NBEA: variants seen among roughly 807,000 people sequenced by gnomAD.
NBEA encodes neurobeachin, also known as lysosomal-trafficking regulator 2.
NBEA carries 44 observed loss-of-function variants against 343.4 expected under a neutral mutation model. The ratio of observed to expected loss-of-function variants is 0.13; its 90% CI spans 0.10 to 0.16. The LOEUF (loss-of-function observed/expected upper bound fraction) is 0.16, where lower values mean the gene tolerates loss of function less well. Among genes scored for constraint, NBEA ranks in the 10% least tolerant of loss-of-function variants. The pLI, the probability that NBEA is intolerant of heterozygous loss-of-function variation, is 1.00. For synonymous variants in NBEA, 1,175 were observed against 1,238.7 expected (o/e 0.95, Z 1.08); for missense variants, 2,555 against 3,631.3 (o/e 0.70, Z 7.62).
chr13:35,524,102 A>G (rs1368416404), intron 41 of NBEA, among the ~76,000 whole-genome samples: 1 of 152,184 alleles, frequency 6.6e-6, no homozygotes, highest in African/African-American at 2.4e-5. Flanking sequence ...TTGGTAGGAT[A>G]TCTTTGGTAA....
At chr13:34,971,702 C>A (rs2060000889) in intron 1 of NBEA, among the ~76,000 whole-genome samples, 1 of 152,026 alleles carries the variant, frequency 6.6e-6, no homozygotes, top group Non-Finnish European at 1.5e-5. Flanking sequence ...GGGGATGAAG[C>A]CTACTTGATT....
chr13:35,349,634 T>G (rs2152863438), intron 37 of NBEA, among the ~76,000 whole-genome samples: 1 of 152,266 alleles, frequency 6.6e-6, no homozygotes, highest in Middle Eastern at 3.4e-3. Context: ...ACATAACAGT[T>G]ATTTATTATT....
intron 48 of NBEA, among the ~76,000 whole-genome samples, chr13:35,627,078 A>G (rs1276235373): frequency 2.0e-5 from 3 of 152,240 alleles, no homozygotes; most frequent in Non-Finnish European, 4.4e-5. Flanking sequence ...AGTTTTTGGC[A>G]ATCTTAATTC....
intron 10 of NBEA, among the ~76,000 whole-genome samples, chr13:35,072,843 G>T (rs2063934411): frequency 1.3e-5 from 2 of 152,124 alleles, no homozygotes. Flanking sequence ...GATTACAGGC[G>T]AGAGCCACTA....
intron 1 of NBEA, among the ~76,000 whole-genome samples, chr13:35,029,246 C>T (rs1277464986): frequency 6.9e-6 from 1 of 145,952 alleles, no homozygotes; most frequent in East Asian, 2.0e-4. Flanking sequence ...TCTATAACAC[C>T]ATAGTCTATA....
chr13:35,546,819 C>T (rs2079084103), intron 41 of NBEA, among the ~76,000 whole-genome samples: 2 of 152,048 alleles, frequency 1.3e-5, no homozygotes, highest in African/African-American at 2.4e-5. Context: ...TCCCAAAGTG[C>T]TGGGATTACA....
intron 38 of NBEA, among the ~76,000 whole-genome samples, chr13:35,388,654 T>C (rs947809505): frequency 1.3e-5 from 2 of 152,160 alleles, no homozygotes; most frequent in Admixed American, 1.3e-4. Flanking sequence ...AAGACTGCTG[T>C]GAAGGGTTTG....
chr13:34,972,306 G>A (rs1178761601), intron 1 of NBEA, among the ~76,000 whole-genome samples: 3 of 151,728 alleles, frequency 2.0e-5, no homozygotes, highest in South Asian at 2.1e-4. Flanking sequence ...CCAATGAATC[G>A]TTTTTCATGT....
intron 16 of NBEA, among the ~76,000 whole-genome samples, chr13:35,119,815 T>G (rs1433406822): frequency 2.0e-5 from 3 of 152,188 alleles, no homozygotes; most frequent in Admixed American, 6.5e-5. Flanking sequence ...GGTCTCCATC[T>G]CCTGACCTTG....
At chr13:35,533,037 G>T (rs762587363) in intron 41 of NBEA, among the ~76,000 whole-genome samples, 1 of 151,974 alleles carries the variant, frequency 6.6e-6, no homozygotes, top group Non-Finnish European at 1.5e-5. Flanking sequence ...AAGTCAAAGG[G>T]TATATACAAA....
chr13:35,428,335 CCTT>C (rs1390182562), intron 38 of NBEA, among the ~76,000 whole-genome samples: 2 of 152,208 alleles, frequency 1.3e-5, no homozygotes, highest in South Asian at 2.1e-4. Flanking sequence ...TTTCTCCTCT[CCTT>C]CTAGGATTCC....
intron 34 of NBEA, among the ~76,000 whole-genome samples, chr13:35,247,230 G>C (rs2031344341): frequency 6.6e-6 from 1 of 152,154 alleles, no homozygotes; most frequent in Admixed American, 6.5e-5. Context: ...CAGAAAGCAA[G>C]CAGGGCTTCT....
At chr13:35,551,064 C>A in intron 43 of NBEA, 32 bp downstream of exon 43, 4 of 1,223,136 alleles carry the variant, frequency 3.3e-6, no homozygotes, top group Non-Finnish European at 4.7e-6. Flanking sequence ...TTATCTATGG[C>A]TTGTTAACAT....
chr13:35,051,931 T>A (rs1265327551), intron 6 of NBEA, among the ~76,000 whole-genome samples: 1 of 152,028 alleles, frequency 6.6e-6, no homozygotes, highest in African/African-American at 2.4e-5. Flanking sequence ...CCAAATGAAA[T>A]TGTCATTAAC....
chr13:35,361,933 C>G (rs183071611), intron 38 of NBEA, among the ~76,000 whole-genome samples: 1 of 151,898 alleles, frequency 6.6e-6, no homozygotes, highest in Admixed American at 6.6e-5. Context: ...GAGAGCTTTT[C>G]AGGATGATGG....
At chr13:35,658,423 TA>T (rs2084920605) in intron 55 of NBEA, among the ~76,000 whole-genome samples, 1 of 152,168 alleles carries the variant, frequency 6.6e-6, no homozygotes, top group Admixed American at 6.5e-5. Flanking sequence ...ATAAACAAGA[TA>T]AGCACCTAAA....
intron 36 of NBEA, among the ~76,000 whole-genome samples, chr13:35,314,007 A>G (rs1454925640): frequency 6.6e-6 from 1 of 152,150 alleles, no homozygotes; most frequent in Admixed American, 6.5e-5. Flanking sequence ...TGGGAGGGAA[A>G]GAAGGCAATA....
At chr13:35,542,726 C>T (rs867850644) in intron 41 of NBEA, among the ~76,000 whole-genome samples, 3 of 151,850 alleles carry the variant, frequency 2.0e-5, no homozygotes, top group Admixed American at 2.0e-4. Context: ...TTTAAAAAGA[C>T]GTGATATCCA....
intron 1 of NBEA, among the ~76,000 whole-genome samples, chr13:35,006,834 C>T (rs1033946226): frequency 6.6e-6 from 1 of 152,134 alleles, no homozygotes; most frequent in Non-Finnish European, 1.5e-5. Context: ...CTTACTGCAA[C>T]CTCCACCTCC....
Sources: gnomAD v4.1 joint callset for allele counts (sites outside exome capture counted in the v4.1 genomes callset) on GRCh38, gnomAD v4.1.1 for gene constraint, MANE v1.5 for transcripts, NCBI Gene and HGNC (gene_info 2026-07-23, HGNC 2026-07-21) for gene names.